MTMR10: variants seen among roughly 807,000 people sequenced by gnomAD.
MTMR10 encodes myotubularin related protein 10, also known as myotubularin-related protein 10.
MTMR10 carries 56 observed loss-of-function variants against 88.1 expected under a neutral mutation model. The ratio of observed to expected loss-of-function variants is 0.64; its 90% CI spans 0.51 to 0.79. The LOEUF (loss-of-function observed/expected upper bound fraction) is 0.79, where lower values mean the gene tolerates loss of function less well. Ranked by LOEUF, MTMR10 falls within the 30% of genes least tolerant of loss-of-function variation. The probability of loss-of-function intolerance (pLI) is 0.00; values close to 1 mark genes in which losing one functional copy is unlikely to be tolerated. For synonymous variants in MTMR10, 380 were observed against 340.9 expected (o/e 1.11, Z -1.26); for missense variants, 883 against 924.7 (o/e 0.95, Z 0.58).
the MTMR10 span, among the ~76,000 whole-genome samples, chr15:30,929,649 TAATATA>T: frequency 8.5e-4 from 56 of 66,028 alleles, no homozygotes; most frequent in African/African-American, 3.1e-3. Context: ...ATACAATATA[TAATATA>T]ATATATGAAA....
the MTMR10 span, among the ~76,000 whole-genome samples, chr15:30,929,936 A>G: frequency 1.2e-3 from 144 of 117,664 alleles, 1 homozygote; most frequent in Non-Finnish European, 2.0e-3. Flanking sequence ...ATAATATATA[A>G]AATATATAAT....
intron 6 of MTMR10, 49 bp downstream of exon 6, chr15:30,967,871 A>G (rs2063490627): frequency 1.4e-6 from 2 of 1,443,760 alleles, no homozygotes; most frequent in South Asian, 2.5e-5. Flanking sequence ...ATAAGAGTAA[A>G]ATTTACACAT....
chr15:30,972,618 A>C (rs1280895313), intron 5 of MTMR10, among the ~76,000 whole-genome samples: 1 of 152,174 alleles, frequency 6.6e-6, no homozygotes, highest in African/African-American at 2.4e-5. Context: ...TTCATCTGGA[A>C]ATCAACTATT....
intron 5 of MTMR10, among the ~76,000 whole-genome samples, chr15:30,971,657 T>C (rs2063539380): frequency 6.6e-6 from 1 of 151,480 alleles, no homozygotes; most frequent in African/African-American, 2.4e-5. Flanking sequence ...CTCATGTGTA[T>C]CTATATATTT....
intron 2 of MTMR10, among the ~76,000 whole-genome samples, 187 bp downstream of exon 2, chr15:30,990,590 G>A (rs2031248200): frequency 6.6e-6 from 1 of 152,124 alleles, no homozygotes; most frequent in Admixed American, 6.5e-5. Context: ...AGAAATTCGG[G>A]AGACAAAAAA....
chr15:30,983,845 T>G (rs1404671886), intron 2 of MTMR10, among the ~76,000 whole-genome samples: 1 of 152,192 alleles, frequency 6.6e-6, no homozygotes, highest in Non-Finnish European at 1.5e-5. Flanking sequence ...ATGTGGAAGA[T>G]AAACACAAAT....
At chr15:30,975,148 A>G (rs1042034601) in intron 3 of MTMR10, 145 bp from the exon 4 acceptor site, 2 of 577,450 alleles carry the variant, frequency 3.5e-6, no homozygotes, top group Non-Finnish European at 6.0e-6. Context: ...GGCCATTCCA[A>G]TGTTGACAGA....
the MTMR10 span, chr15:30,928,506 T>TTTTGTGTG: frequency 3.4e-6 from 5 of 1,483,544 alleles, no homozygotes; most frequent in Non-Finnish European, 4.5e-6. Context: ...AAAACAGATT[T>TTTTGTGTG]TGTGTGTGTG....
At position 30,948,287 on chromosome 15, in the gene MTMR10, T is replaced by A. The variant is rs982775576; in HGVS notation, c.1377+15A>T. The A allele has an allele frequency of 1.9e-5, 31 of 1,602,228 alleles. No homozygotes were observed. Among genetic ancestry groups the A allele is most frequent in the Non-Finnish European group, 2.4e-5 (28 of 1,175,524 alleles). On this transcript the variant is annotated intron_variant, in intron 13 of 15. Transcript: ENST00000435680. ...ATCCTTAAAGACTGATAAAAAGGCA[T>A]CAAGATTTTGTTACCTCTTTCTCTG...
At chr15:30,958,513 T>G (rs2063357369) in intron 9 of MTMR10, among the ~76,000 whole-genome samples, 1 of 152,220 alleles carries the variant, frequency 6.6e-6, no homozygotes, top group Non-Finnish European at 1.5e-5. Flanking sequence ...TGTGTAGACC[T>G]AAATAAGACA....
At chr15:30,933,319 G>A in the MTMR10 span, among the ~76,000 whole-genome samples, 1 of 151,992 alleles carries the variant, frequency 6.6e-6, no homozygotes, top group Admixed American at 6.6e-5. Flanking sequence ...TTTAGTAGTT[G>A]TTTTCATTTT....
Position 30,991,599 on chromosome 15 carries a change from C to T in MTMR10, c.-93G>A. On this transcript the variant is annotated 5_prime_UTR_variant, in exon 1 of 16. Transcript: ENST00000435680. ...AGCTCTCAGTGCGGCCGCCCAGGCC[C>T]TTTCTGCGGCCAGCCGAGCCGGGCG... 1 of 1,417,528 alleles carries T rather than the reference C, an allele frequency of 7.1e-7. No homozygotes were observed. Among genetic ancestry groups the T allele is most frequent in the Non-Finnish European group, 9.3e-7 (1 of 1,073,962 alleles). 87.8% of individuals were successfully genotyped at this position (1,417,528 alleles called of 1,614,324 possible).
At chr15:30,931,202 CAA>C in the MTMR10 span, among the ~76,000 whole-genome samples, 3 of 152,158 alleles carry the variant, frequency 2.0e-5, no homozygotes, top group Non-Finnish European at 4.4e-5. Context: ...TATGTACCCA[CAA>C]AAAATTTTTT....
chr15:30,943,690 C>T (rs753068780), intron 14 of MTMR10: 153 of 985,280 alleles, frequency 1.6e-4, no homozygotes, highest in Non-Finnish European at 1.8e-4. Flanking sequence ...ACCTCTAGCC[C>T]GGACTCTGGG....
At chr15:30,973,692 T>TACC (rs1187795609) in intron 5 of MTMR10, among the ~76,000 whole-genome samples, 4 of 152,146 alleles carry the variant, frequency 2.6e-5, no homozygotes, top group African/African-American at 9.7e-5. Context: ...ATATTAGGTC[T>TACC]ACCAGCTTCA....
the MTMR10 span, chr15:30,927,899 T>C: frequency 1.0e-6 from 1 of 985,736 alleles, no homozygotes; most frequent in Non-Finnish European, 1.2e-6. Flanking sequence ...CTGACTTCTG[T>C]CTCTCAGGTC....
At chr15:30,948,538 G>A (rs930883628) in intron 12 of MTMR10, 67 bp from the exon 13 acceptor site, 3 of 1,477,602 alleles carry the variant, frequency 2.0e-6, no homozygotes, top group Non-Finnish European at 2.8e-6. Flanking sequence ...GGGAAGGAAA[G>A]GTAAACTAGA....
chr15:30,970,660 A>G (rs887910488), intron 5 of MTMR10, among the ~76,000 whole-genome samples: 2 of 152,208 alleles, frequency 1.3e-5, no homozygotes, highest in Non-Finnish European at 2.9e-5. Flanking sequence ...CTGTTTACAG[A>G]AAAGAAATTC....
chr15:30,926,761 G>C, the MTMR10 span: 1 of 985,326 alleles, frequency 1.0e-6, no homozygotes, highest in Admixed American at 6.2e-5. Context: ...GAAGCAGGCT[G>C]GGACGTGGGA....
Sources: allele counts gnomAD v4.1 joint callset (sites outside exome capture counted in the v4.1 genomes callset), GRCh38; gene constraint gnomAD v4.1.1; transcripts MANE v1.5; gene names NCBI Gene and HGNC (gene_info 2026-07-23, HGNC 2026-07-21).